Variants in MACROH2A1 observed in about 807,000 individuals in gnomAD.
MACROH2A1 encodes macroH2A.1 histone, also known as core histone macro-H2A.1.
In MACROH2A1, 2 loss-of-function variants were observed where a neutral mutation model predicts 31.6. That is an observed-to-expected ratio of 0.06 (90% CI 0.03 to 0.20). The LOEUF (loss-of-function observed/expected upper bound fraction) is 0.20, where lower values mean the gene tolerates loss of function less well. Among genes scored for constraint, MACROH2A1 ranks in the 10% least tolerant of loss-of-function variants. The pLI, the probability that MACROH2A1 is intolerant of heterozygous loss-of-function variation, is 1.00. For synonymous variants in MACROH2A1, 169 were observed against 189.6 expected (o/e 0.89, Z 0.89); for missense variants, 230 against 474.0 (o/e 0.49, Z 4.78).
chr5:135,389,237 GT>G, intron 1 of MACROH2A1, 111 bp from the exon 2 acceptor site: 1 of 667,316 alleles, frequency 1.5e-6, no homozygotes, highest in Non-Finnish European at 2.4e-6. Flanking sequence ...AGATGCCACT[GT>G]CTGTAGCTGC....
At chr5:135,364,246 G>A (rs1763210213) in intron 4 of MACROH2A1, among the ~76,000 whole-genome samples, 1 of 152,184 alleles carries the variant, frequency 6.6e-6, no homozygotes, top group African/African-American at 2.4e-5. Context: ...GTGGGAGGGT[G>A]TGGGGCTGGG....
Position 135,360,542 on chromosome 5 carries a change from G to A in MACROH2A1, c.543C>T (p.Asp181=), listed in dbSNP as rs781075052. ...TCTTGGTGGAGAGGACTGTGAAGCC[G>A]TCGGCAGGTGTGCCCTCGGTTGTGC... The part of the protein sequence containing the change: ...ADSTTEGTPA[D]GFTVLSTKSL... The change falls in exon 5 of 9, where the codon GAC becomes GAT. Residue 181 remains aspartate, a synonymous_variant. Coordinates refer to ENST00000511689, the MANE Select transcript of MACROH2A1 (RefSeq NM_138610.3). 6.2e-6 allele frequency: 10 copies of A among 1,613,816 alleles called. 1 individual carries two copies. Among genetic ancestry groups the A allele is most frequent in the Middle Eastern group, 1.6e-4 (1 of 6,082 alleles).
chr5:135,338,019 G>T, intron 8 of MACROH2A1: 6 of 1,167,944 alleles, frequency 5.1e-6, no homozygotes, highest in Non-Finnish European at 6.5e-6. Flanking sequence ...CGGAGGTAAC[G>T]GCTTTCCTAA....
At chr5:135,341,706 A>G (rs919934450) in intron 8 of MACROH2A1, among the ~76,000 whole-genome samples, 14 of 152,212 alleles carry the variant, frequency 9.2e-5, no homozygotes, top group Non-Finnish European at 1.2e-4. Context: ...AGCATGCAGG[A>G]GGCAAAATCA....
At chr5:135,342,942 C>T (rs1174038817) in intron 8 of MACROH2A1, among the ~76,000 whole-genome samples, 1 of 152,208 alleles carries the variant, frequency 6.6e-6, no homozygotes, top group East Asian at 1.9e-4. Flanking sequence ...TCCAGATCTT[C>T]TCCACCCAAG....
At chr5:135,390,229 G>A (rs1293226488) in intron 1 of MACROH2A1, among the ~76,000 whole-genome samples, 1 of 152,152 alleles carries the variant, frequency 6.6e-6, no homozygotes, top group African/African-American at 2.4e-5. Context: ...CCCAAATGTT[G>A]AGATCTGGCT....
intron 8 of MACROH2A1, 116 bp from the exon 9 acceptor site, chr5:135,335,257 T>C: frequency 1.4e-6 from 1 of 734,078 alleles, no homozygotes; most frequent in Non-Finnish European, 2.3e-6. Flanking sequence ...TGGGTCGGTG[T>C]CTGTTGAGCC....
intron 2 of MACROH2A1, among the ~76,000 whole-genome samples, chr5:135,375,949 C>A (rs3776202): frequency 0.026 from 3,884 of 152,238 alleles, 102 homozygotes; most frequent in Admixed American, 0.072. Flanking sequence ...CACACCACAA[C>A]CTCCTCCAAT....
chr5:135,386,785 A>G (rs1369695651), intron 2 of MACROH2A1, among the ~76,000 whole-genome samples: 1 of 152,222 alleles, frequency 6.6e-6, no homozygotes, highest in African/African-American at 2.4e-5. Flanking sequence ...AGATATGACA[A>G]AGCAATGGTA....
intron 6 of MACROH2A1, among the ~76,000 whole-genome samples, chr5:135,347,890 ACT>A (rs1179894460): frequency 4.6e-5 from 7 of 152,070 alleles, no homozygotes; most frequent in Non-Finnish European, 1.0e-4. Context: ...TATCAGATTA[ACT>A]CTTTGGTGAG....
chr5:135,342,312 G>A (rs1006296326), intron 8 of MACROH2A1, among the ~76,000 whole-genome samples: 1 of 152,042 alleles, frequency 6.6e-6, no homozygotes, highest in Non-Finnish European at 1.5e-5. Context: ...TGCATGGGGG[G>A]ATTATTATGC....
intron 1 of MACROH2A1, among the ~76,000 whole-genome samples, chr5:135,393,708 G>A (rs1467106142): frequency 6.6e-6 from 1 of 152,322 alleles, no homozygotes; most frequent in East Asian, 1.9e-4. Context: ...TAGGTCCTCA[G>A]GCAACTGTGT....
chr5:135,347,284 A>C (rs1760960918), intron 6 of MACROH2A1: 1 of 152,242 alleles, frequency 6.6e-6, no homozygotes, highest in Non-Finnish European at 1.5e-5. Context: ...AAGAAGAGTA[A>C]ATAGCTTGGG....
intron 2 of MACROH2A1, among the ~76,000 whole-genome samples, chr5:135,378,848 C>T (rs113067075): frequency 6.6e-6 from 1 of 152,214 alleles, no homozygotes; most frequent in African/African-American, 2.4e-5. Flanking sequence ...AGAGCACTTC[C>T]CCCGAAGTCC....
chr5:135,351,922 C>CTT (rs150464921), intron 6 of MACROH2A1, among the ~76,000 whole-genome samples: 17 of 145,538 alleles, frequency 1.2e-4, no homozygotes, highest in African/African-American at 3.8e-4. Flanking sequence ...AGCTTGTGGC[C>CTT]TTTTTTTTTT....
chr5:135,374,656 G>A (rs1764618454), intron 2 of MACROH2A1, among the ~76,000 whole-genome samples: 1 of 152,204 alleles, frequency 6.6e-6, no homozygotes, highest in Non-Finnish European at 1.5e-5. Flanking sequence ...TGTTTTGGAA[G>A]GTTTTGTGAG....
chr5:135,369,216 G>C lies in MACROH2A1; in HGVS notation c.477+190C>G, dbSNP rs1015518607. Among the ~76,000 whole-genome samples, 4 of 152,216 alleles carry C rather than the reference G, an allele frequency of 2.6e-5. No individual in the cohort carries two copies. The highest frequency in any genetic ancestry group is 9.6e-5 in the African/African-American group (4 of 41,456). On this transcript the variant is annotated intron_variant, in intron 4 of 8. Coordinates refer to ENST00000511689, the MANE Select transcript of MACROH2A1 (RefSeq NM_138610.3). The surrounding 1 kb of genome is among the most constrained non-coding windows in gnomAD (Gnocchi z 4.3). ...TCCTTCAACTGGGTCCAGACTCTGG[G>C]AGGGCCTCCTGACTCTGGCTACTTG...
intron 7 of MACROH2A1, chr5:135,345,664 ATCAC>A (rs1335040885): frequency 1.3e-5 from 4 of 305,324 alleles, no homozygotes; most frequent in Non-Finnish European, 2.4e-5. Context: ...ATGGCTCAGT[ATCAC>A]TCACTCTCAG....
chr5:135,375,473 T>C (rs2149877202), intron 2 of MACROH2A1, among the ~76,000 whole-genome samples: 1 of 152,334 alleles, frequency 6.6e-6, no homozygotes, highest in Middle Eastern at 3.4e-3. Flanking sequence ...CTTTTTCTTT[T>C]TTCCAAATGT....
Sources: allele counts gnomAD v4.1 joint callset (sites outside exome capture counted in the v4.1 genomes callset), GRCh38; gene constraint gnomAD v4.1.1; non-coding constraint Gnocchi (gnomAD v3.1); transcripts MANE v1.5; gene names NCBI Gene and HGNC (gene_info 2026-07-23, HGNC 2026-07-21).